RALGPS1: variants seen among roughly 807,000 people sequenced by gnomAD.
RALGPS1 encodes the protein ras-specific guanine nucleotide-releasing factor RalGPS1.
A neutral mutation model predicts 78.8 loss-of-function variants in RALGPS1; 19 were observed. The observed-to-expected ratio is 0.24, with a 90% confidence interval of 0.17 to 0.35. The LOEUF (loss-of-function observed/expected upper bound fraction) is 0.35. RALGPS1 is among the 10% of genes least tolerant of loss of function. The pLI is 1.00. For missense variants in RALGPS1, 454 were observed against 688.3 expected (o/e 0.66, Z 3.81); for synonymous variants, 228 against 256.3 (o/e 0.89, Z 1.06).
chr9:127,112,184 G>A (rs571561928), intron 8 of RALGPS1, among the ~76,000 whole-genome samples: 1 of 152,324 alleles, frequency 6.6e-6, no homozygotes, highest in African/African-American at 2.4e-5. Context: ...AAAGGTGTGT[G>A]GGAGCTTCTG....
chr9:127,069,043 C>G (rs371558369), intron 7 of RALGPS1, among the ~76,000 whole-genome samples, 187 bp from the exon 8 acceptor site: 15 of 152,168 alleles, frequency 9.9e-5, no homozygotes, highest in South Asian at 4.2e-4. Context: ...AGCCCCACCT[C>G]TGGAGTCGAG....
intron 3 of RALGPS1, 107 bp downstream of exon 3, chr9:126,966,058 C>T: frequency 2.7e-6 from 2 of 744,564 alleles, no homozygotes; most frequent in Non-Finnish European, 4.8e-6. Flanking sequence ...ATATGCCCAG[C>T]AAGAGGGGAG....
chr9:127,054,758 C>T (rs1030929400), intron 7 of RALGPS1, among the ~76,000 whole-genome samples: 5 of 152,078 alleles, frequency 3.3e-5, no homozygotes, highest in African/African-American at 7.2e-5. Flanking sequence ...GTGGGAGGAT[C>T]GCTTAAGGCC....
intron 5 of RALGPS1, among the ~76,000 whole-genome samples, chr9:127,034,842 CCCT>C (rs986153154): frequency 6.6e-6 from 1 of 152,144 alleles, no homozygotes; most frequent in African/African-American, 2.4e-5. Flanking sequence ...CATCTCTTTT[CCCT>C]CCTCCTGGCC....
At chr9:127,059,050 C>T (rs75344610) in intron 7 of RALGPS1, among the ~76,000 whole-genome samples, 1,910 of 152,248 alleles carry the variant, frequency 0.013, 26 homozygotes, top group Non-Finnish European at 0.018. Flanking sequence ...AGTCATTGAG[C>T]TCTGCAATTC....
intron 1 of RALGPS1, among the ~76,000 whole-genome samples, chr9:126,940,947 C>T (rs1241310601): frequency 1.3e-5 from 2 of 152,080 alleles, no homozygotes; most frequent in Non-Finnish European, 2.9e-5. Context: ...CAAAAGAAAC[C>T]AGAAAATATT....
chr9:127,025,946 C>T (rs1415467906), intron 4 of RALGPS1, among the ~76,000 whole-genome samples: 1 of 152,178 alleles, frequency 6.6e-6, no homozygotes, highest in African/African-American at 2.4e-5. Context: ...TCAAGCAGTC[C>T]TCCTGCCTCT....
At chr9:127,020,433 A>G (rs1017215641) in intron 4 of RALGPS1, among the ~76,000 whole-genome samples, 4 of 152,236 alleles carry the variant, frequency 2.6e-5, no homozygotes, top group Non-Finnish European at 5.9e-5. Flanking sequence ...AGACACATGA[A>G]TTGCAATGGG....
At chr9:127,093,631 A>G in intron 8 of RALGPS1, 2 of 1,405,844 alleles carry the variant, frequency 1.4e-6, no homozygotes, top group Non-Finnish European at 2.0e-6. Flanking sequence ...GGGCTTGGTC[A>G]GCATGTACCT....
chr9:127,199,613 C>T (rs1019048134), intron 14 of RALGPS1, among the ~76,000 whole-genome samples: 1 of 52,134 alleles, frequency 1.9e-5, no homozygotes, highest in Non-Finnish European at 5.3e-5. Flanking sequence ...TCCCTTGGCC[C>T]AGGGTTTGGC....
In RALGPS1 at chr9:127,174,761, T is replaced by A; in HGVS notation, c.889T>A (p.Ser297Thr). The change falls in exon 11 of 19, where the codon TCT becomes ACT. Residue 297 changes from serine (S) to threonine (T), a missense_variant. Physicochemically the swap from Ser to Thr is moderately conservative, Grantham distance 58. Coordinates refer to ENST00000259351, the MANE Select transcript of RALGPS1 (RefSeq NM_014636.3). ...EPGSSSPRLV[S>T]SKEDLAGPSA... ...AGGAAGCAGCTCTCCAAGACTAGTC[T>A]CTTCCAAGGAAGATCTTGCAGGTAT... The A allele has an allele frequency of 6.2e-7, 1 of 1,614,158 alleles. No individual in the cohort carries two copies. The highest frequency in any genetic ancestry group is 8.5e-7 in the Non-Finnish European group (1 of 1,180,000).
intron 8 of RALGPS1, among the ~76,000 whole-genome samples, chr9:127,114,828 C>T (rs898862797): frequency 2.6e-5 from 4 of 152,232 alleles, no homozygotes; most frequent in Non-Finnish European, 4.4e-5. Flanking sequence ...CTGAGCTGTG[C>T]TTGAGTGAGT....
intron 11 of RALGPS1, among the ~76,000 whole-genome samples, chr9:127,177,023 A>C (rs951882670): frequency 2.0e-5 from 3 of 151,976 alleles, no homozygotes; most frequent in African/African-American, 7.3e-5. Context: ...CCTTTATTTC[A>C]GCTCTTGGCT....
chr9:126,983,907 A>T (rs2041556030), intron 4 of RALGPS1, among the ~76,000 whole-genome samples: 1 of 152,072 alleles, frequency 6.6e-6, no homozygotes, highest in African/African-American at 2.4e-5. Context: ...ACTTTGTATC[A>T]CATGTCACAT....
At chr9:127,044,872 C>T (rs1307990695) in intron 5 of RALGPS1, among the ~76,000 whole-genome samples, 4 of 152,190 alleles carry the variant, frequency 2.6e-5, no homozygotes, top group African/African-American at 9.7e-5. Context: ...TTTTCTTCCT[C>T]CTCCTGAATC....
In RALGPS1 at chr9:127,166,050, A is replaced by G. The variant is rs776369249; in HGVS notation, c.611-19A>G. ...TGTGGTAAGCTCCTTCCATCATGAAATATCTTCTTTAATTTTAGGAATCTA... is the reference window on the plus strand; with the variant it reads ...TGTGGTAAGCTCCTTCCATCATGAAGTATCTTCTTTAATTTTAGGAATCTA... On this transcript the variant is annotated intron_variant, in intron 8 of 18. Transcript: ENST00000259351. 8 of 1,595,100 alleles carry G rather than the reference A, an allele frequency of 5.0e-6. No individual in the cohort carries two copies. The South Asian group carries it at 7.9e-5, about 16-fold the overall frequency.
chr9:126,965,112 T>C (rs1393001760), intron 2 of RALGPS1, among the ~76,000 whole-genome samples: 1 of 152,202 alleles, frequency 6.6e-6, no homozygotes, highest in Non-Finnish European at 1.5e-5. Context: ...TGAGGAGTTT[T>C]AACTTGCCTT....
rs114182431 is a variant in RALGPS1, at chr9:126,945,778, G to A, written c.-65-16447G>A. Among the ~76,000 whole-genome samples the A allele has an allele frequency of 6.2e-3, 944 of 152,254 alleles. 9 individuals are homozygous for A. Among genetic ancestry groups the A allele is most frequent in the African/African-American group, 0.022 (902 of 41,546 alleles). On this transcript the variant is annotated intron_variant, in intron 1 of 18. Coordinates refer to ENST00000259351, the MANE Select transcript of RALGPS1 (RefSeq NM_014636.3). ...TGGTTCTGCAGTACCTTATACCATG[G>A]ACTGAATTCTTTCTGCAGTTCCTGC...
chr9:126,993,946 G>A (rs928030677), intron 4 of RALGPS1, among the ~76,000 whole-genome samples: 7 of 152,218 alleles, frequency 4.6e-5, no homozygotes, highest in African/African-American at 1.4e-4. Context: ...AGCAAACTCC[G>A]ACAGACCTGC....
Sources: allele counts gnomAD v4.1 joint callset (sites outside exome capture counted in the v4.1 genomes callset), GRCh38; gene constraint gnomAD v4.1.1; transcripts MANE v1.5; gene names NCBI Gene and HGNC (gene_info 2026-07-23, HGNC 2026-07-21).